The following TDRD15 variants were observed in gnomAD, a reference collection of about 807,000 sequenced individuals.
The protein encoded by TDRD15 is tudor domain containing 15.
For synonymous variants in TDRD15, 503 were observed against 314.5 expected, an observed-to-expected ratio of 1.60 and a Z score of -6.34; for missense variants, 1,416 against 904.7, an observed-to-expected ratio of 1.57 and a Z score of -7.25.
In TDRD15 at chr2:21,141,515, G is replaced by A; in HGVS notation, c.4048G>A (p.Val1350Ile). ...TAAACCTCTAGTGGGAGATCTTGTA[G>A]TTGCAGAATATTCTGGTGACAATGC... ...SVKPLVGDLV[V>I]AEYSGDNAIY... The change falls in exon 4 of 4, where the codon GTT (valine) becomes ATT (isoleucine). Residue 1350 changes from valine (V) to isoleucine (I), a missense_variant. Val to Ile is a conservative substitution (Grantham distance 29). Transcript: ENST00000405799. The A allele has an allele frequency of 1.4e-6, 1 of 715,144 alleles. No homozygotes were observed. Among genetic ancestry groups the A allele is most frequent in the South Asian group, 1.5e-5 (1 of 67,432 alleles). 44.3% of individuals were successfully genotyped at this position (715,144 alleles called of 1,614,324 possible). A position where few individuals can be genotyped will look rare whatever the true frequency, so the allele number is the denominator to read the frequency against.
In TDRD15 at chr2:21,138,796, C is replaced by A. The variant is rs1454087275; in HGVS notation, c.1329C>A (p.Asn443Lys). Residue 443 changes from asparagine (N) to lysine (K), a missense_variant, in exon 4 of 4, where the codon AAC (asparagine) becomes AAA (lysine). Transcript: ENST00000405799. The stretch of plus-strand genomic sequence containing the variant: ...GTGAGACAAGTGTGTCTGATGTAAA[C>A]AGCTTTGCAGTTGAGAGTTTTATGG... Reference protein sequence around the residue: ...ILSETSVSDVNSFAVESFMGN... With the variant: ...ILSETSVSDVKSFAVESFMGN... 2 of 713,310 alleles carry A rather than the reference C, an allele frequency of 2.8e-6. No individual in the cohort carries two copies. Among genetic ancestry groups the A allele is most frequent in the Admixed American group, 4.1e-5 (2 of 49,374 alleles). 44.2% of individuals were successfully genotyped at this position (713,310 alleles called of 1,614,324 possible). A position where few individuals can be genotyped will look rare whatever the true frequency, so the allele number is the denominator to read the frequency against.
intron 2 of TDRD15, among the ~76,000 whole-genome samples, chr2:21,130,533 G>A (rs1230203210): frequency 2.6e-5 from 4 of 152,144 alleles, no homozygotes; most frequent in East Asian, 3.8e-4. Context: ...ATCTGAAGTC[G>A]AACCATCGTA....
At chr2:21,135,343 T>C (rs1415962602) in intron 3 of TDRD15, among the ~76,000 whole-genome samples, 1 of 151,738 alleles carries the variant, frequency 6.6e-6, no homozygotes, top group African/African-American at 2.4e-5. Flanking sequence ...TTAGTAAGCA[T>C]TGTAGAGGCA....
At chr2:21,135,003 G>T (rs937657190) in intron 3 of TDRD15, among the ~76,000 whole-genome samples, 156 bp downstream of exon 3, 1 of 145,322 alleles carries the variant, frequency 6.9e-6, no homozygotes. Context: ...TATATAAATT[G>T]TATTTATATA....
chr2:21,126,555 G>C (rs1263337683), intron 1 of TDRD15, among the ~76,000 whole-genome samples: 1 of 152,008 alleles, frequency 6.6e-6, no homozygotes, highest in Admixed American at 6.6e-5. Flanking sequence ...TAGTAGAGAC[G>C]GGGTTTCTCT....
At position 21,138,543 on chromosome 2, in the gene TDRD15, T is replaced by C. The variant is rs1665858401; in HGVS notation, c.1076T>C (p.Leu359Ser). The change falls in exon 4 of 4, where the codon TTG becomes TCG. Residue 359 changes from leucine to serine, a missense_variant. By Grantham distance (145) the Leu-to-Ser change is moderately radical. Coordinates refer to ENST00000405799, the MANE Select transcript of TDRD15 (RefSeq NM_001306137.2). ...TCATTTCCATGTTCTCTGACATGTT[T>C]GCACAGTCCAGATAGAGATGCAAGA... ...LFSFPCSLTCLHSPDRDARIF... is the reference protein window; with the variant it reads ...LFSFPCSLTCSHSPDRDARIF... 1 of 715,858 alleles carries C rather than the reference T, an allele frequency of 1.4e-6. No individual in the cohort carries two copies. The highest frequency in any genetic ancestry group is 1.7e-5 in the African/African-American group (1 of 57,284). The allele number at this position is 715,858 out of a possible 1,614,324, so 44.3% of individuals were successfully genotyped here.
chr2:21,136,488 T>A (rs1665809428), intron 3 of TDRD15, among the ~76,000 whole-genome samples: 1 of 152,048 alleles, frequency 6.6e-6, no homozygotes, highest in African/African-American at 2.4e-5. Flanking sequence ...GTACATCTAT[T>A]TCTATGGAGT....
In TDRD15 at chr2:21,139,457, T is replaced by C. The variant is rs1478677112; in HGVS notation, c.1990T>C (p.Tyr664His). Reference sequence around the variant, plus strand: ...TATGTTACAAGCTGGATATGCAGAATATTTTCAAGTAGAACTAGAATATTT... The same window carrying C: ...TATGTTACAAGCTGGATATGCAGAACATTTTCAAGTAGAACTAGAATATTT... The part of the protein sequence containing the change: ...SLMLQAGYAE[Y>H]FQVELEYFPK... The change falls in exon 4 of 4, where the codon TAT becomes CAT. Residue 664 changes from tyrosine to histidine, a missense_variant. Tyr to His is a moderately conservative substitution (Grantham distance 83). Transcript: ENST00000405799. 1.4e-6 allele frequency: 1 copy of C among 707,654 alleles called. No homozygotes were observed. The highest frequency in any genetic ancestry group is 2.1e-5 in the Admixed American group (1 of 47,868). 43.8% of individuals were successfully genotyped at this position (707,654 alleles called of 1,614,324 possible).
Position 21,140,923 on chromosome 2 carries a change from C to G in TDRD15, c.3456C>G (p.Cys1152Trp). The G allele has an allele frequency of 1.4e-6, 1 of 707,758 alleles. No homozygotes were observed. Among genetic ancestry groups the G allele is most frequent in the Non-Finnish European group, 2.6e-6 (1 of 381,836 alleles). The allele number at this position is 707,758 out of a possible 1,614,324, so 43.8% of individuals were successfully genotyped here. A position where few individuals can be genotyped will look rare whatever the true frequency, so the allele number is the denominator to read the frequency against. Residue 1152 changes from cysteine to tryptophan, a missense_variant, in exon 4 of 4, where the codon TGC (cysteine) becomes TGG (tryptophan). Cys to Trp is a radical substitution (Grantham distance 215). Transcript: ENST00000405799. The part of the protein sequence containing the change: ...YGKRHCDQAC[C>W]MEKSNKINEN... ...AAAGACATTGTGACCAAGCATGCTGCATGGAAAAGAGTAATAAAATAAATG... is the reference window on the plus strand; with the variant it reads ...AAAGACATTGTGACCAAGCATGCTGGATGGAAAAGAGTAATAAAATAAATG...
chr2:21,132,615 G>A (rs1665740786), intron 2 of TDRD15, among the ~76,000 whole-genome samples: 1 of 152,064 alleles, frequency 6.6e-6, no homozygotes, highest in South Asian at 2.1e-4. Context: ...AATCCTTCAT[G>A]CAGTAAATTA....
In TDRD15 at chr2:21,137,530, A is replaced by C. The variant is rs893912682; in HGVS notation, c.63A>C (p.Lys21Asn). Residue 21 changes from lysine (K) to asparagine (N), a missense_variant, in exon 4 of 4, where the codon AAA (lysine) becomes AAC (asparagine). Lys to Asn is a moderately conservative substitution (Grantham distance 94). Transcript: ENST00000405799. Reference sequence around the variant, plus strand: ...TGGATCTGACAATATCACATATTAAATGTCTTCCCAAGGATATTCTGGTGA... The same window carrying C: ...TGGATCTGACAATATCACATATTAACTGTCTTCCCAAGGATATTCTGGTGA... ...LDVDLTISHI[K>N]CLPKDILVKF... The C allele has an allele frequency of 1.3e-5, 9 of 705,602 alleles. No homozygotes were observed. The highest frequency in any genetic ancestry group is 2.4e-5 in the Non-Finnish European group (9 of 381,398). The allele number at this position is 705,602 out of a possible 1,614,324, so 43.7% of individuals were successfully genotyped here. A position where few individuals can be genotyped will look rare whatever the true frequency, so the allele number is the denominator to read the frequency against.
At chr2:21,128,893 A>C (rs1665653786) in intron 2 of TDRD15, among the ~76,000 whole-genome samples, 2 of 151,850 alleles carry the variant, frequency 1.3e-5, no homozygotes, top group Admixed American at 6.6e-5. Context: ...ACTGTCACTT[A>C]ATATAATCCA....
rs1218787488 is a variant in TDRD15 at position 21,137,854 on chromosome 2, A to G, written c.387A>G (p.Ile129Met). 7.0e-6 allele frequency: 5 copies of G among 715,942 alleles called. No individual in the cohort carries two copies. In the African/African-American group the frequency reaches 8.8e-5, roughly 13 times the overall value. 44.3% of individuals were successfully genotyped at this position (715,942 alleles called of 1,614,324 possible). ...PRVVFGIFAN[I>M]LPVGEKWSPK... is the part of the protein sequence containing the mutation. Reference sequence around the variant, plus strand: ...TAGTATTTGGTATTTTTGCGAATATACTACCAGTTGGGGAAAAATGGTCCC... The same window carrying G: ...TAGTATTTGGTATTTTTGCGAATATGCTACCAGTTGGGGAAAAATGGTCCC... Residue 129 changes from isoleucine (I) to methionine (M), a missense_variant, in exon 4 of 4, where the codon ATA becomes ATG. By Grantham distance (10) the Ile-to-Met change is conservative. Transcript: ENST00000405799.
Position 21,141,991 on chromosome 2 carries a change from T to C in TDRD15, c.4524T>C (p.Ser1508=). 1 of 699,832 alleles carries C rather than the reference T, an allele frequency of 1.4e-6. No individual in the cohort carries two copies. Among genetic ancestry groups the C allele is most frequent in the Non-Finnish European group, 2.6e-6 (1 of 379,822 alleles). The allele number at this position is 699,832 out of a possible 1,614,324, so 43.4% of individuals were successfully genotyped here. Residue 1508 remains serine (S), a synonymous_variant, in exon 4 of 4, where the codon TCT becomes TCC. Coordinates refer to ENST00000405799, the MANE Select transcript of TDRD15 (RefSeq NM_001306137.2). ...GAAAATCAAATGAGTCTGAAGGTTC[T>C]ATGAATTCAAACCAACAGCTGTTTA... is the stretch of plus-strand genomic sequence containing the variant. ...KKGKSNESEG[S]MNSNQQLFKI...
At position 21,139,647 on chromosome 2, in the gene TDRD15, A is replaced by G. The variant is rs1665881109; in HGVS notation, c.2180A>G (p.Asn727Ser). Residue 727 changes from asparagine to serine, a missense_variant, in exon 4 of 4, where the codon AAT becomes AGT. Coordinates refer to ENST00000405799, the MANE Select transcript of TDRD15 (RefSeq NM_001306137.2). ...TCTTTGCCAAAGTCCCTAGCTGTTAATATCTCAGAATTTAAAAATCCTTTC... is the reference window on the plus strand; with the variant it reads ...TCTTTGCCAAAGTCCCTAGCTGTTAGTATCTCAGAATTTAAAAATCCTTTC... ...NLSLPKSLAV[N>S]ISEFKNPFTL... 1 of 713,814 alleles carries G rather than the reference A, an allele frequency of 1.4e-6. No homozygotes were observed. Among genetic ancestry groups the G allele is most frequent in the African/African-American group, 1.8e-5 (1 of 57,018 alleles). The allele number at this position is 713,814 out of a possible 1,614,324, so 44.2% of individuals were successfully genotyped here. A position where few individuals can be genotyped will look rare whatever the true frequency, so the allele number is the denominator to read the frequency against.
chr2:21,141,171 G>A lies in TDRD15; in HGVS notation c.3704G>A (p.Gly1235Asp), dbSNP rs1665919814. 2.8e-6 allele frequency: 2 copies of A among 714,888 alleles called. No individual in the cohort carries two copies. Among genetic ancestry groups the A allele is most frequent in the Non-Finnish European group, 5.2e-6 (2 of 383,754 alleles). 44.3% of individuals were successfully genotyped at this position (714,888 alleles called of 1,614,324 possible). ...ACTTCTTTGAATGATGGGCTTAAAG[G>A]TATAAAAATTGTCCCTGGAGCTGCA... The part of the protein sequence containing the change: ...MKTSLNDGLK[G>D]IKIVPGAAHI... Residue 1235 changes from glycine to aspartate, a missense_variant, in exon 4 of 4, where the codon GGT becomes GAT. Physicochemically the swap from Gly to Asp is moderately conservative, Grantham distance 94. Coordinates refer to ENST00000405799, the MANE Select transcript of TDRD15 (RefSeq NM_001306137.2).
At position 21,134,796 on chromosome 2, in the gene TDRD15, C is replaced by T. The variant is rs1296472519; in HGVS notation, c.-55C>T. 1 of 151,450 alleles carries T rather than the reference C, an allele frequency of 6.6e-6. No individual in the cohort carries two copies. Among genetic ancestry groups the T allele is most frequent in the African/African-American group, 2.4e-5 (1 of 41,440 alleles). 9.4% of individuals were successfully genotyped at this position (151,450 alleles called of 1,614,324 possible). ...CTGATTCTAAGGAAAAATAGTTTCC[C>T]AAATTTCACACAATTAATTGAGTAC... On this transcript the variant is annotated 5_prime_UTR_variant, in exon 3 of 4. Coordinates refer to ENST00000405799, the MANE Select transcript of TDRD15 (RefSeq NM_001306137.2).
In TDRD15 at chr2:21,140,772, T is replaced by G. The variant is rs1303037984; in HGVS notation, c.3305T>G (p.Phe1102Cys). The part of the protein sequence containing the change: ...AEISSWFKDN[F>C]LGRSLKAIIL... ...ATCAGTAGTTGGTTTAAAGACAATT[T>G]CTTGGGAAGATCATTAAAGGCGATA... is the stretch of plus-strand genomic sequence containing the variant. The change falls in exon 4 of 4, where the codon TTC becomes TGC. Residue 1102 changes from phenylalanine (F) to cysteine (C), a missense_variant. Phe to Cys is a radical substitution (Grantham distance 205, BLOSUM62 -2). Coordinates refer to ENST00000405799, the MANE Select transcript of TDRD15 (RefSeq NM_001306137.2). The G allele has an allele frequency of 8.4e-6, 6 of 715,046 alleles. No homozygotes were observed. Among genetic ancestry groups the G allele is most frequent in the Non-Finnish European group, 1.6e-5 (6 of 383,578 alleles). The allele number at this position is 715,046 out of a possible 1,614,324, so 44.3% of individuals were successfully genotyped here. A position where few individuals can be genotyped will look rare whatever the true frequency, so the allele number is the denominator to read the frequency against.
At position 21,138,281 on chromosome 2, in the gene TDRD15, G is replaced by A. The variant is rs1055323279; in HGVS notation, c.814G>A (p.Ala272Thr). Reference sequence around the variant, plus strand: ...GACTCCAGAGCTAGAAAACTTGACAGCACATATGACTTTGCATTATGATAC... The same window carrying A: ...GACTCCAGAGCTAGAAAACTTGACAACACATATGACTTTGCATTATGATAC... ...KWTPELENLTAHMTLHYDTVC... is the reference protein window; with the variant it reads ...KWTPELENLTTHMTLHYDTVC... The change falls in exon 4 of 4, where the codon GCA becomes ACA. Residue 272 changes from alanine to threonine, a missense_variant. By Grantham distance (58) the Ala-to-Thr change is moderately conservative. Transcript: ENST00000405799. 16 of 716,142 alleles carry A rather than the reference G, an allele frequency of 2.2e-5. No individual in the cohort carries two copies. The highest frequency in any genetic ancestry group is 8.7e-5 in the African/African-American group (5 of 57,158). The allele number at this position is 716,142 out of a possible 1,614,324, so 44.4% of individuals were successfully genotyped here.
Sources: gnomAD v4.1 joint callset for allele counts (sites outside exome capture counted in the v4.1 genomes callset) on GRCh38, gnomAD v4.1.1 for gene constraint, MANE v1.5 for transcripts, NCBI Gene and HGNC (gene_info 2026-07-23, HGNC 2026-07-21) for gene names.